Variants in TRPM1 observed in about 807,000 individuals in gnomAD.
The protein encoded by TRPM1 is transient receptor potential cation channel subfamily M member 1.
A neutral mutation model predicts 149.4 loss-of-function variants in TRPM1; 113 were observed. The ratio of observed to expected loss-of-function variants is 0.76; its 90% confidence interval spans 0.65 to 0.88. The LOEUF is 0.88. Among genes scored for constraint, TRPM1 ranks in the 40% least tolerant of loss-of-function variants. The probability of loss-of-function intolerance (pLI) is 0.00; values close to 1 mark genes in which losing one functional copy is unlikely to be tolerated. For synonymous variants in TRPM1, 741 were observed against 759.5 expected, an observed-to-expected ratio of 0.98 and a Z score of 0.40; for missense variants, 1,976 against 2,038.7, an observed-to-expected ratio of 0.97 and a Z score of 0.59.
At chr15:31,052,337 CAG>C (rs1304952265) in intron 11 of TRPM1, among the ~76,000 whole-genome samples, 2 of 152,176 alleles carry the variant, frequency 1.3e-5, no homozygotes, top group Admixed American at 6.5e-5. Context: ...TCCTGAGTGA[CAG>C]AGTGACACCG....
chr15:31,047,885 T>C lies in TRPM1; in HGVS notation c.1623+4A>G. 1 of 1,611,926 alleles carries C rather than the reference T, an allele frequency of 6.2e-7. No homozygotes were observed. The highest frequency in any genetic ancestry group is 8.5e-7 in the Non-Finnish European group (1 of 1,177,926). On this transcript the variant is annotated splice_donor_region_variant and intron_variant, in intron 14 of 27. Coordinates refer to ENST00000256552, the MANE Select transcript of TRPM1 (RefSeq NM_001252024.2). Reference sequence around the variant, plus strand: ...AGGTAAGAATTGTAAAACAGTAGACTGACCTTTTTCACATCCCTCACCAGC... The same window carrying C: ...AGGTAAGAATTGTAAAACAGTAGACCGACCTTTTTCACATCCCTCACCAGC...
rs1205298896 is a variant in TRPM1, at chr15:31,063,139, T to C, written c.944A>G (p.His315Arg). Residue 315 changes from histidine (H) to arginine (R), a missense_variant, in exon 8 of 28, where the codon CAC (histidine) becomes CGC (arginine). By Grantham distance (29) the His-to-Arg change is conservative. This residue lies in a region of TRPM1 where 1,332 missense variants were observed against 1,347.1 expected (regional missense o/e 0.99). Transcript: ENST00000256552. ...CTACCCGCCTTCTTCACAGTACTTG[T>C]GCGCAAAGGACAGGATGTCCGAGGC... ...GRASDILSFA[H>R]KYCEEGGIIN... 6.2e-7 allele frequency: 1 copy of C among 1,614,072 alleles called. No homozygotes were observed. Among genetic ancestry groups the C allele is most frequent in the African/African-American group, 1.3e-5 (1 of 74,924 alleles).
chr15:31,048,000 C>T (rs982117666), intron 13 of TRPM1, 61 bp from the exon 14 acceptor site: 78 of 1,442,592 alleles, frequency 5.4e-5, no homozygotes, highest in Admixed American at 3.0e-4. Flanking sequence ...CGGTGGCTCA[C>T]GCCTGTAGTC....
chr15:31,011,666 CT>C (rs71106664), intron 27 of TRPM1, among the ~76,000 whole-genome samples: 427 of 138,842 alleles, frequency 3.1e-3, no homozygotes, highest in Admixed American at 7.0e-3. Flanking sequence ...ATGCCAATTA[CT>C]TTTTTTTTTT....
chr15:31,012,481 T>C (rs1453260459), intron 27 of TRPM1, among the ~76,000 whole-genome samples: 2 of 152,218 alleles, frequency 1.3e-5, no homozygotes, highest in Non-Finnish European at 2.9e-5. Flanking sequence ...GGTCAGCTTT[T>C]TTAATCTAAT....
intron 1 of TRPM1, among the ~76,000 whole-genome samples, chr15:31,152,955 C>T (rs2036323512): frequency 1.3e-5 from 2 of 152,190 alleles, no homozygotes; most frequent in East Asian, 1.9e-4. Flanking sequence ...AAACAGAGAT[C>T]TCAAGGCCTT....
intron 20 of TRPM1, 155 bp from the exon 21 acceptor site, chr15:31,035,829 T>C: frequency 9.4e-7 from 1 of 1,067,190 alleles, no homozygotes; most frequent in Non-Finnish European, 1.4e-6. Context: ...ACCTCACCAG[T>C]GCAGACAGAA....
chr15:31,113,518 C>T (rs2035740845), intron 1 of TRPM1, among the ~76,000 whole-genome samples: 1 of 151,718 alleles, frequency 6.6e-6, no homozygotes, highest in East Asian at 1.9e-4. Flanking sequence ...ATTTTCCAAA[C>T]TGTCAAAAAA....
At chr15:31,029,515 T>A in intron 23 of TRPM1, 124 bp from the exon 24 acceptor site, 1 of 902,946 alleles carries the variant, frequency 1.1e-6, no homozygotes. Context: ...ACTGTTTTGC[T>A]GTGAAGAAAT....
chr15:31,087,231 A>ATTTTTTTTTTTTTTTT (rs58872566), intron 1 of TRPM1, among the ~76,000 whole-genome samples: 9 of 59,444 alleles, frequency 1.5e-4, no homozygotes, highest in African/African-American at 5.7e-4. Flanking sequence ...CTCAATAGGG[A>ATTTTTTTTTTTTTTTT]TTTTTTTTTT....
At chr15:31,061,231 C>G (rs1305449461) in intron 10 of TRPM1, among the ~76,000 whole-genome samples, 1 of 152,190 alleles carries the variant, frequency 6.6e-6, no homozygotes, top group Non-Finnish European at 1.5e-5. Context: ...TGACCTCAGC[C>G]CATGATGGTC....
intron 27 of TRPM1, among the ~76,000 whole-genome samples, chr15:31,011,198 T>C (rs1238161212): frequency 6.6e-6 from 1 of 152,236 alleles, no homozygotes; most frequent in African/African-American, 2.4e-5. Flanking sequence ...GCAGATAGCA[T>C]GTAATTACAC....
chr15:31,114,164 C>T (rs1253270716), intron 1 of TRPM1, among the ~76,000 whole-genome samples: 1 of 152,196 alleles, frequency 6.6e-6, no homozygotes, highest in African/African-American at 2.4e-5. Context: ...TCTTTTCTCT[C>T]CTCCCACTGT....
At chr15:31,069,375 CTG>C in intron 4 of TRPM1, 1 of 974,202 alleles carries the variant, frequency 1.0e-6, no homozygotes, top group Non-Finnish European at 1.2e-6. Context: ...TTTCAGAAGA[CTG>C]TATATTGCAG....
upstream of TRPM1, among the ~76,000 whole-genome samples, chr15:31,104,719 G>A (rs1295135339): frequency 1.3e-5 from 2 of 148,220 alleles, no homozygotes; most frequent in East Asian, 2.1e-4. Flanking sequence ...TCAGCCTCCC[G>A]AGTAGCTGGG....
At position 31,050,472 on chromosome 15, in the gene TRPM1, T is replaced by A; in HGVS notation, c.1374A>T (p.Lys458Asn). The change falls in exon 12 of 28, where the codon AAA (lysine) becomes AAT (asparagine). Residue 458 changes from lysine (K) to asparagine (N), a missense_variant. Transcript: ENST00000256552. Reference sequence around the variant, plus strand: ...CCTCCACTTCCTCTTTCACTTTCCCTTTCTTCTTGCCTTTCCCTTTTCCTC... The same window carrying A: ...CCTCCACTTCCTCTTTCACTTTCCCATTCTTCTTGCCTTTCCCTTTTCCTC... The part of the protein sequence containing the change: ...GGRGKGKGKK[K>N]GKVKEEVEEE... 1 of 1,614,158 alleles carries A rather than the reference T, an allele frequency of 6.2e-7. No homozygotes were observed. Among genetic ancestry groups the A allele is most frequent in the Non-Finnish European group, 8.5e-7 (1 of 1,180,022 alleles).
In TRPM1 at chr15:31,075,606, T is replaced by A. The variant is rs116894076; in HGVS notation, c.83+1299A>T. Among the ~76,000 whole-genome samples the A allele has an allele frequency of 5.1e-3, 770 of 152,238 alleles. 4 individuals carry two copies. Among genetic ancestry groups the A allele is most frequent in the Middle Eastern group, 0.041 (12 of 294 alleles). ...CAGCAACAGGTGGTAAGGGACAGGA[T>A]GAGAAATGCTGAAATCCTGCTCCTC... On this transcript the variant is annotated intron_variant, in intron 3 of 27. Transcript: ENST00000256552.
chr15:31,076,924 T>C lies in TRPM1; in HGVS notation c.64A>G (p.Ser22Gly). 1.2e-6 allele frequency: 2 copies of C among 1,611,064 alleles called. No homozygotes were observed. Among genetic ancestry groups the C allele is most frequent in the Non-Finnish European group, 1.7e-6 (2 of 1,177,254 alleles). The change falls in exon 3 of 28, where the codon AGC becomes GGC. Residue 22 changes from serine to glycine, a missense_variant. Physicochemically the swap from Ser to Gly is moderately conservative, Grantham distance 56. This residue lies in a region of TRPM1 where 1,332 missense variants were observed against 1,347.1 expected (regional missense o/e 0.99). Coordinates refer to ENST00000256552, the MANE Select transcript of TRPM1 (RefSeq NM_001252024.2). ...ATTTACCTGTTAGAGTCTTTCATGCTAGGAATTACAAAGATACATTCCCGT... is the reference window on the plus strand; with the variant it reads ...ATTTACCTGTTAGAGTCTTTCATGCCAGGAATTACAAAGATACATTCCCGT... The part of the protein sequence containing the change: ...CKRECIFVIP[S>G]MKDSNRCCCG...
chr15:31,110,549 G>A (rs1181177242), intron 1 of TRPM1, among the ~76,000 whole-genome samples: 1 of 152,228 alleles, frequency 6.6e-6, no homozygotes, highest in African/African-American at 2.4e-5. Context: ...TTCCTGGTGA[G>A]CCTTAAGATC....
Sources: allele counts gnomAD v4.1 joint callset (sites outside exome capture counted in the v4.1 genomes callset), GRCh38; gene constraint gnomAD v4.1.1; regional missense constraint gnomAD v4.1.1; transcripts MANE v1.5; gene names NCBI Gene and HGNC (gene_info 2026-07-23, HGNC 2026-07-21).